TSBP1: variants seen among roughly 807,000 people sequenced by gnomAD.
The protein encoded by TSBP1 is testis expressed basic protein 1, also known as testis-expressed basic protein 1.
In TSBP1, 56 loss-of-function variants were observed where a neutral mutation model predicts 68.8. That is an observed-to-expected ratio of 0.81 (90% CI 0.66 to 1.02). The LOEUF (loss-of-function observed/expected upper bound fraction) is 1.02, where lower values mean the gene tolerates loss of function less well. Ranked by LOEUF, TSBP1 falls within the 50% of genes least tolerant of loss-of-function variation. The probability of loss-of-function intolerance (pLI) is 0.00; values close to 1 mark genes in which losing one functional copy is unlikely to be tolerated. For synonymous variants in TSBP1, 171 were observed against 208.7 expected (o/e 0.82, Z 1.56); for missense variants, 502 against 641.2 (o/e 0.78, Z 2.34).
chr6:32,326,655 C>A (rs1768252106), intron 16 of TSBP1, among the ~76,000 whole-genome samples: 1 of 152,186 alleles, frequency 6.6e-6, no homozygotes, highest in Non-Finnish European at 1.5e-5. Context: ...GTCAAACTTA[C>A]AAGAGGATCC....
At chr6:32,331,970 G>T in intron 15 of TSBP1, 64 bp downstream of exon 16, 2 of 1,143,070 alleles carry the variant, frequency 1.7e-6, no homozygotes, top group South Asian at 1.3e-5. Flanking sequence ...AACAGTTGGA[G>T]CCAGTCTCCT....
rs141651498 is a variant in TSBP1 at position 32,357,260 on chromosome 6, A to T, written c.218-1591T>A. 2.6e-5 allele frequency among the ~76,000 whole-genome samples: 4 copies of T among 152,194 alleles called. No homozygotes were observed. Among genetic ancestry groups the T allele is most frequent in the African/African-American group, 7.2e-5 (3 of 41,458 alleles). On this transcript the variant is annotated intron_variant, in intron 6 of 22. Transcript: ENST00000612031. This position sits in a 1 kb window ranked among gnomAD's most constrained non-coding sequence, Gnocchi z 4.7. The stretch of plus-strand genomic sequence containing the variant: ...ATTCAAGTTTTTCCTTAAGAATGCA[A>T]GGGAGCCCAGATTAGAAAGATACTA...
intron 22 of TSBP1, among the ~76,000 whole-genome samples, chr6:32,298,251 A>G (rs1253759158): frequency 6.6e-6 from 1 of 152,094 alleles, no homozygotes; most frequent in Non-Finnish European, 1.5e-5. Flanking sequence ...ATTTTTCTGA[A>G]TGCATACTGT....
At position 32,325,501 on chromosome 6, in the gene TSBP1, C is replaced by T; in HGVS notation, c.515-1887G>A. The T allele has an allele frequency of 3.4e-6, 3 of 894,276 alleles. No homozygotes were observed. Among genetic ancestry groups the T allele is most frequent in the Non-Finnish European group, 5.6e-6 (3 of 539,588 alleles). The allele number at this position is 894,276 out of a possible 1,614,324, so 55.4% of individuals were successfully genotyped here. ...AAGAGAGCTGTCTCAAGAGAAGATTCTCAAATACCAGGTGCCCACTTAACT... is the reference window on the plus strand; with the variant it reads ...AAGAGAGCTGTCTCAAGAGAAGATTTTCAAATACCAGGTGCCCACTTAACT... On this transcript the variant is annotated intron_variant, in intron 16 of 22. Transcript: ENST00000612031. The surrounding 1 kb of genome is among the most constrained non-coding windows in gnomAD (Gnocchi z 4.4).
Position 32,341,091 on chromosome 6 carries a change from G to A in TSBP1, c.350-1453C>T, listed in dbSNP as rs117219948. 7.0e-3 allele frequency among the ~76,000 whole-genome samples: 1,065 copies of A among 152,184 alleles called. 19 individuals carry two copies. The highest frequency in any genetic ancestry group is 0.02 in the East Asian group (102 of 5,172). On this transcript the variant is annotated intron_variant, in intron 9 of 22. Coordinates refer to ENST00000612031, the Ensembl canonical transcript of TSBP1. The stretch of plus-strand genomic sequence containing the variant: ...GATTACAGGTGTGAGCCTCCATACT[G>A]GGCCAAGAAAGGAAATTCTTGAACT...
In TSBP1 at chr6:32,335,305, A is replaced by G. The variant is rs1769515897; in HGVS notation, c.472+132T>C. ...AACCTGGATGAGTCCAATCTGGAGT[A>G]CTGGGTGAGATTATGAGGTGGCAGA... On this transcript the variant is annotated intron_variant, in intron 14 of 22. Coordinates refer to ENST00000612031, the Ensembl canonical transcript of TSBP1. The surrounding 1 kb of genome is among the most constrained non-coding windows in gnomAD (Gnocchi z 5.5). 6 of 715,324 alleles carry G rather than the reference A, an allele frequency of 8.4e-6. No homozygotes were observed. Among genetic ancestry groups the G allele is most frequent in the Non-Finnish European group, 1.2e-5 (6 of 482,342 alleles). 44.3% of individuals were successfully genotyped at this position (715,324 alleles called of 1,614,324 possible).
In TSBP1 at chr6:32,349,732, G is replaced by A. The variant is rs1301940973; in HGVS notation, c.349+8C>T. 1.9e-6 allele frequency: 3 copies of A among 1,545,840 alleles called. No individual in the cohort carries two copies. Among genetic ancestry groups the A allele is most frequent in the Non-Finnish European group, 2.7e-6 (3 of 1,119,566 alleles). ...TCAGCAGAATTGAAGAAAAGTAAAG[G>A]AACTTACCAATACTTGATCGAGACA... On this transcript the variant is annotated splice_region_variant and intron_variant, in intron 9 of 22. Coordinates refer to ENST00000612031, the Ensembl canonical transcript of TSBP1.
chr6:32,361,705 G>A lies in TSBP1; in HGVS notation c.217+4462C>T, dbSNP rs1333294210. 6.6e-6 allele frequency among the ~76,000 whole-genome samples: 1 copy of A among 152,042 alleles called. No homozygotes were observed. Among genetic ancestry groups the A allele is most frequent in the Non-Finnish European group, 1.5e-5 (1 of 67,996 alleles). On this transcript the variant is annotated intron_variant, in intron 6 of 22. Coordinates refer to ENST00000612031, the Ensembl canonical transcript of TSBP1. This position sits in a 1 kb window ranked among gnomAD's most constrained non-coding sequence, Gnocchi z 4.3. The stretch of plus-strand genomic sequence containing the variant: ...AAGAATTGTCTGTTCATGGACTAAG[G>A]TTCATGAACAGATATGAACCTTAGT...
At chr6:32,301,553 A>C (rs116583158) in intron 20 of TSBP1, among the ~76,000 whole-genome samples, 5,938 of 94,000 alleles carry the variant, frequency 0.063, 329 homozygotes, top group African/African-American at 0.19. Flanking sequence ...CCATCTCTGC[A>C]AAAAAAAAAA....
intron 6 of TSBP1, among the ~76,000 whole-genome samples, chr6:32,358,141 T>C (rs1002060417): frequency 1.4e-4 from 21 of 152,174 alleles, no homozygotes; most frequent in African/African-American, 4.8e-4. Flanking sequence ...TAACATATAG[T>C]AGGTGCTGAG....
At chr6:32,349,471 TG>T in intron 9 of TSBP1, 1 of 370,300 alleles carries the variant, frequency 2.7e-6, no homozygotes, top group Non-Finnish European at 4.8e-6. Flanking sequence ...ACTAACTTTT[TG>T]CTCTTATCCT....
intron 8 of TSBP1, among the ~76,000 whole-genome samples, chr6:32,350,529 G>C (rs1223100223): frequency 6.6e-6 from 1 of 152,186 alleles, no homozygotes; most frequent in East Asian, 1.9e-4. Context: ...TAATGAATGA[G>C]AAGTTTTACC....
chr6:32,292,980 CT>C lies in TSBP1; in HGVS notation c.1692del (p.Ter564=). ...CTTATGGGCCTTTAAAAAATTTATC[CT>C]TACTCTTCCACTTTTTTGTTGTACT... On this transcript the variant is annotated frameshift_variant and stop_lost, in exon 23 of 23. Transcript: ENST00000612031. LOFTEE classifies it high-confidence loss of function. This position sits in a 1 kb window ranked among gnomAD's most constrained non-coding sequence, Gnocchi z 4.1. 6.3e-7 allele frequency: 1 copy of C among 1,587,068 alleles called. No individual in the cohort carries two copies. The highest frequency in any genetic ancestry group is 1.2e-5 in the South Asian group (1 of 86,686).
At chr6:32,331,640 A>G (rs930539750) in intron 15 of TSBP1, among the ~76,000 whole-genome samples, 1 of 152,220 alleles carries the variant, frequency 6.6e-6, no homozygotes, top group African/African-American at 2.4e-5. Flanking sequence ...TACATTCTGC[A>G]GGAACAAGGG....
At chr6:32,339,504 T>G in intron 10 of TSBP1, 96 bp downstream of exon 11, 1 of 762,670 alleles carries the variant, frequency 1.3e-6, no homozygotes, top group Non-Finnish European at 2.4e-6. Context: ...TTACACATGG[T>G]ATGCATGTAT....
At chr6:32,300,193 C>T (rs1765141569) in intron 21 of TSBP1, among the ~76,000 whole-genome samples, 1 of 152,136 alleles carries the variant, frequency 6.6e-6, no homozygotes, top group African/African-American at 2.4e-5. Context: ...GAAATTCAAA[C>T]TATTGTATTT....
At chr6:32,370,395 G>A (rs28699544) in intron 1 of TSBP1, among the ~76,000 whole-genome samples, 1 of 126,314 alleles carries the variant, frequency 7.9e-6, no homozygotes, top group Non-Finnish European at 1.7e-5. Flanking sequence ...CTTTAAAGTT[G>A]CAAGATTTTC....
chr6:32,294,083 T>C (rs776138525), intron 22 of TSBP1, 48 bp from the exon 26 acceptor site: 4 of 1,588,814 alleles, frequency 2.5e-6, no homozygotes, highest in East Asian at 4.5e-5. Context: ...GTATTTTCTC[T>C]TTATTTCTAT....
In TSBP1 at chr6:32,343,964, T is replaced by C. The variant is rs1171066701; in HGVS notation, c.350-4326A>G. On this transcript the variant is annotated intron_variant, in intron 9 of 22. Transcript: ENST00000612031. The surrounding 1 kb of genome is among the most constrained non-coding windows in gnomAD (Gnocchi z 4.3). Reference sequence around the variant, plus strand: ...GTAATTTGTACAAGCTACCATAGAATGAACCCTCACTATATTCAGTGGAGA... The same window carrying C: ...GTAATTTGTACAAGCTACCATAGAACGAACCCTCACTATATTCAGTGGAGA... 6.6e-6 allele frequency among the ~76,000 whole-genome samples: 1 copy of C among 152,078 alleles called. No individual in the cohort carries two copies. The highest frequency in any genetic ancestry group is 1.5e-5 in the Non-Finnish European group (1 of 68,022).
Sources: gnomAD v4.1 joint callset for allele counts (sites outside exome capture counted in the v4.1 genomes callset) on GRCh38, gnomAD v4.1.1 for gene constraint, Gnocchi (gnomAD v3.1) non-coding constraint, MANE v1.5 for transcripts, NCBI Gene and HGNC (gene_info 2026-07-23, HGNC 2026-07-21) for gene names.